TENM2: variants seen among roughly 807,000 people sequenced by gnomAD.
TENM2 encodes the protein teneurin transmembrane protein 2.
TENM2 carries 52 observed loss-of-function variants against 245.2 expected under a neutral mutation model. The observed-to-expected ratio is 0.21, with a 90% CI of 0.17 to 0.27. The LOEUF is 0.27. Among genes scored for constraint, TENM2 ranks in the 10% least tolerant of loss-of-function variants. The probability of loss-of-function intolerance (pLI) is 1.00; values close to 1 mark genes in which losing one functional copy is unlikely to be tolerated. For synonymous variants in TENM2, 1,363 were observed against 1,438.9 expected, an observed-to-expected ratio of 0.95 and a Z score of 1.19; for missense variants, 3,046 against 3,666.8, an observed-to-expected ratio of 0.83 and a Z score of 4.37.
At chr5:167,262,719 T>C in the TENM2 span, among the ~76,000 whole-genome samples, 2 of 152,162 alleles carry the variant, frequency 1.3e-5, no homozygotes, top group Non-Finnish European at 2.9e-5. Context: ...AATGCAAGAC[T>C]GGCTCCCCTC....
chr5:167,046,244 C>G, the TENM2 span, among the ~76,000 whole-genome samples: 1 of 152,056 alleles, frequency 6.6e-6, no homozygotes, highest in African/African-American at 2.4e-5. Context: ...CACAAACACT[C>G]TCAGAGATGT....
At chr5:167,403,859 T>A (rs1375600596) in intron 2 of TENM2, among the ~76,000 whole-genome samples, 1 of 151,478 alleles carries the variant, frequency 6.6e-6, no homozygotes, top group Non-Finnish European at 1.5e-5. Context: ...ACTAACCTCC[T>A]TCCTTCCTTG....
At chr5:167,625,037 C>T (rs1778407641) in intron 2 of TENM2, among the ~76,000 whole-genome samples, 1 of 152,080 alleles carries the variant, frequency 6.6e-6, no homozygotes, top group African/African-American at 2.4e-5. Flanking sequence ...TTCCTTGAGG[C>T]CTCATTTAGC....
chr5:168,121,952 C>T (rs1021469333), intron 10 of TENM2, among the ~76,000 whole-genome samples: 1 of 152,146 alleles, frequency 6.6e-6, no homozygotes, highest in East Asian at 1.9e-4. Flanking sequence ...ATTTACAGAT[C>T]CCCAAATACG....
chr5:168,098,843 A>T (rs990602778), intron 9 of TENM2, among the ~76,000 whole-genome samples: 1 of 152,138 alleles, frequency 6.6e-6, no homozygotes, highest in Non-Finnish European at 1.5e-5. Context: ...GTCTAAATAC[A>T]AGTAGGAAAT....
chr5:168,247,765 G>A lies in TENM2; in HGVS notation c.6826G>A (p.Asp2276Asn), dbSNP rs769380697. The change falls in exon 27 of 29, where the codon GAC (aspartate) becomes AAC (asparagine). Residue 2276 changes from aspartate (D) to asparagine (N), a missense_variant. Transcript: ENST00000518659. The surrounding 1 kb of genome is among the most constrained non-coding windows in gnomAD (Gnocchi z 7.8). ...TGGCTATCTGTGCCAGAGAGGGTCT[G>A]ACATCTTCGAATACAATTCCAAGGG... The A allele has an allele frequency of 1.9e-6, 3 of 1,613,960 alleles. No individual in the cohort carries two copies. The highest frequency in any genetic ancestry group is 2.5e-6 in the Non-Finnish European group (3 of 1,179,890).
intron 2 of TENM2, among the ~76,000 whole-genome samples, chr5:167,811,409 C>G (rs1362894981): frequency 1.3e-5 from 2 of 152,040 alleles, no homozygotes; most frequent in African/African-American, 4.8e-5. Flanking sequence ...CCTGACCCCA[C>G]CATGTGAGGT....
intron 3 of TENM2, among the ~76,000 whole-genome samples, chr5:167,940,324 T>TC (rs1213240063): frequency 1.3e-5 from 2 of 152,160 alleles, no homozygotes; most frequent in African/African-American, 4.8e-5. Context: ...TACCAAGTAC[T>TC]CCAAGAGCCA....
At chr5:168,201,523 A>G (rs1047496240) in intron 17 of TENM2, among the ~76,000 whole-genome samples, 1 of 152,104 alleles carries the variant, frequency 6.6e-6, no homozygotes, top group Non-Finnish European at 1.5e-5. Flanking sequence ...TTCTGAAGCA[A>G]GCCCTAGACG....
intron 2 of TENM2, among the ~76,000 whole-genome samples, chr5:167,753,657 CAGTT>C (rs2150661716): frequency 6.6e-6 from 1 of 152,276 alleles, no homozygotes; most frequent in East Asian, 1.9e-4. Context: ...TAAAATCACA[CAGTT>C]AGTAGGTGAC....
chr5:167,530,376 T>A (rs1771409439), intron 2 of TENM2, among the ~76,000 whole-genome samples: 1 of 152,336 alleles, frequency 6.6e-6, no homozygotes, highest in Admixed American at 6.5e-5. Flanking sequence ...AGTATGTTTG[T>A]GCAAACTGCA....
At chr5:167,089,966 C>T in the TENM2 span, among the ~76,000 whole-genome samples, 4 of 152,256 alleles carry the variant, frequency 2.6e-5, no homozygotes. Context: ...GGAGGAGCTA[C>T]TTTCTCTTCA....
At chr5:167,150,441 T>C in the TENM2 span, among the ~76,000 whole-genome samples, 186 of 152,290 alleles carry the variant, frequency 1.2e-3, 1 homozygote, top group Middle Eastern at 6.8e-3. Flanking sequence ...ATTTAATGAG[T>C]GTATTATTTT....
In TENM2 at chr5:168,247,710, C is replaced by T. The variant is rs377310392; in HGVS notation, c.6771C>T (p.Leu2257=). The T allele has an allele frequency of 1.1e-4, 170 of 1,613,820 alleles. 1 individual carries two copies. In the Middle Eastern group the frequency reaches 1.3e-3, roughly 13 times the overall value. Residue 2257 remains leucine (L), a synonymous_variant, in exon 27 of 29, where the codon CTC becomes CTT. Coordinates refer to ENST00000518659, the Ensembl canonical transcript of TENM2. The surrounding 1 kb of genome is among the most constrained non-coding windows in gnomAD (Gnocchi z 7.8). ...ACCTCCGGGATCGGATAACCAGACT[C>T]GGGGATGTGCAGTACAAAATTGACG...
intron 2 of TENM2, among the ~76,000 whole-genome samples, chr5:167,516,843 AC>A (rs1309213224): frequency 4.6e-5 from 7 of 152,188 alleles, no homozygotes; most frequent in African/African-American, 1.7e-4. Context: ...CTATCAGAAC[AC>A]CTGTTTGCTT....
At chr5:167,627,503 A>G (rs544144005) in intron 2 of TENM2, among the ~76,000 whole-genome samples, 1 of 152,206 alleles carries the variant, frequency 6.6e-6, no homozygotes, top group African/African-American at 2.4e-5. Context: ...GTAAGTCTTT[A>G]TAAATACAAG....
In TENM2 at chr5:167,927,754, T is replaced by A. The variant is rs546095591; in HGVS notation, c.713-24834T>A. Among the ~76,000 whole-genome samples, 6 of 152,222 alleles carry A rather than the reference T, an allele frequency of 3.9e-5. No individual in the cohort carries two copies. In the East Asian group the frequency reaches 1.2e-3, roughly 29 times the overall value. On this transcript the variant is annotated intron_variant, in intron 3 of 28. Transcript: ENST00000518659. ...GGGGACTCATTAGCTGGAGTGAGGT[T>A]GGTGTCAGGAAAAAAACAGAGCTCC...
the TENM2 span, among the ~76,000 whole-genome samples, chr5:167,141,983 G>T: frequency 6.6e-6 from 1 of 151,988 alleles, no homozygotes; most frequent in African/African-American, 2.4e-5. Context: ...CATTATCAAT[G>T]ACAAGTAGTT....
In TENM2 at chr5:168,245,272, G is replaced by A. The variant is rs148742143; in HGVS notation, c.5817+556G>A. On this transcript the variant is annotated intron_variant, in intron 26 of 28. Coordinates refer to ENST00000518659, the Ensembl canonical transcript of TENM2. ...GACGCTCAGTAATGGCAAAAAGGACGAATTGTCTGATTCTATTTCAAAAAA... is the reference window on the plus strand; with the variant it reads ...GACGCTCAGTAATGGCAAAAAGGACAAATTGTCTGATTCTATTTCAAAAAA... Among the ~76,000 whole-genome samples, 939 of 151,762 alleles carry A rather than the reference G, an allele frequency of 6.2e-3. 17 individuals carry two copies. Among genetic ancestry groups the A allele is most frequent in the African/African-American group, 0.021 (873 of 41,380 alleles).
Sources: allele counts gnomAD v4.1 joint callset (sites outside exome capture counted in the v4.1 genomes callset), GRCh38; gene constraint gnomAD v4.1.1; non-coding constraint Gnocchi (gnomAD v3.1); transcripts MANE v1.5; gene names NCBI Gene and HGNC (gene_info 2026-07-23, HGNC 2026-07-21).